NCALD: variants seen among roughly 807,000 people sequenced by gnomAD.
NCALD encodes neurocalcin-delta.
A neutral mutation model predicts 18.6 loss-of-function variants in NCALD; 10 were observed. That is an observed-to-expected ratio of 0.54 (90% CI 0.33 to 0.91). The LOEUF (loss-of-function observed/expected upper bound fraction) is 0.91. NCALD is among the 40% of genes least tolerant of loss of function. NCALD has a pLI of 0.03. For synonymous variants in NCALD, 88 were observed against 87.4 expected (o/e 1.01, Z -0.04); for missense variants, 184 against 247.6 (o/e 0.74, Z 1.72).
At chr8:102,013,999 C>A (rs1821993986) in intron 2 of NCALD, among the ~76,000 whole-genome samples, 1 of 152,168 alleles carries the variant, frequency 6.6e-6, no homozygotes, top group South Asian at 2.1e-4. Flanking sequence ...AGGAATGGGT[C>A]CTTGCTATGA....
rs57126471 is a variant in NCALD, at chr8:102,111,412, ATGTGTGTGTGTGTG to A, written c.-210+12811_-210+12824del. On this transcript the variant is annotated intron_variant, in intron 1 of 6. Coordinates refer to the NCALD transcript ENST00000311028. Reference sequence around the variant, plus strand: ...AAATTTAGATCATATGTCTAAAGAGATGTGTGTGTGTGTGTGTGTGTGTGTGTGTGGTGTGCACA... The same window carrying A: ...AAATTTAGATCATATGTCTAAAGAGATGTGTGTGTGTGTGTGGTGTGCACA... Among the ~76,000 whole-genome samples the A allele has an allele frequency of 2.0e-4, 29 of 147,740 alleles. No homozygotes were observed. The South Asian group carries it at 6.3e-3, about 32-fold the overall frequency.
Position 101,958,599 on chromosome 8 carries a change from T to C in NCALD, c.-156-42741A>G, listed in dbSNP as rs556848386. Among the ~76,000 whole-genome samples the C allele has an allele frequency of 2.0e-5, 3 of 152,264 alleles. No homozygotes were observed. The South Asian group carries it at 6.2e-4, about 32-fold the overall frequency. On this transcript the variant is annotated intron_variant, in intron 2 of 6. Coordinates refer to the NCALD transcript ENST00000311028. The stretch of plus-strand genomic sequence containing the variant: ...ATGCCAGAACCTGTTCTAGGGTCTT[T>C]GTGTGATTGTCTCACTAAAATCTCC...
At chr8:101,878,885 T>C (rs1816342807) in intron 4 of NCALD, among the ~76,000 whole-genome samples, 1 of 152,190 alleles carries the variant, frequency 6.6e-6, no homozygotes, top group Admixed American at 6.5e-5. Flanking sequence ...GTCAATGCCA[T>C]GTCCTATGAT....
intron 2 of NCALD, among the ~76,000 whole-genome samples, chr8:101,940,211 T>C (rs563091662): frequency 1.3e-5 from 2 of 152,264 alleles, no homozygotes; most frequent in African/African-American, 2.4e-5. Context: ...CTCAAATACT[T>C]TTAGAAAGGT....
At chr8:102,111,658 T>C (rs552573493) in intron 1 of NCALD, among the ~76,000 whole-genome samples, 1 of 152,254 alleles carries the variant, frequency 6.6e-6, no homozygotes, top group African/African-American at 2.4e-5. Flanking sequence ...CCTCTCAAAC[T>C]TGCCATATAA....
intron 1 of NCALD, among the ~76,000 whole-genome samples, chr8:102,119,145 C>T (rs1825874319): frequency 6.6e-6 from 1 of 152,114 alleles, no homozygotes; most frequent in Admixed American, 6.5e-5. Context: ...AGTGTTTTCA[C>T]AGTAGCCAAA....
intron 4 of NCALD, among the ~76,000 whole-genome samples, chr8:101,884,321 T>G (rs1413980095): frequency 1.3e-5 from 2 of 152,200 alleles, no homozygotes; most frequent in African/African-American, 4.8e-5. Flanking sequence ...TGTATTTGTG[T>G]GATTATTTGA....
chr8:102,027,051 G>A (rs1822483934), intron 1 of NCALD, among the ~76,000 whole-genome samples: 1 of 152,240 alleles, frequency 6.6e-6, no homozygotes, highest in South Asian at 2.1e-4. Flanking sequence ...GCACAGGGCA[G>A]GGAGGCCCTG....
chr8:102,062,877 T>C (rs1587002787), intron 1 of NCALD, among the ~76,000 whole-genome samples: 1 of 152,024 alleles, frequency 6.6e-6, no homozygotes, highest in Non-Finnish European at 1.5e-5. Context: ...CCAGCATGTG[T>C]CCCCTCCCAT....
intron 3 of NCALD, chr8:101,690,903 G>A: frequency 6.1e-6 from 6 of 985,432 alleles, no homozygotes; most frequent in Non-Finnish European, 7.2e-6. Flanking sequence ...CCAGCTGGAG[G>A]TAGCAGGGGC....
intron 1 of NCALD, among the ~76,000 whole-genome samples, chr8:102,053,023 G>A (rs1823506924): frequency 6.6e-6 from 1 of 152,190 alleles, no homozygotes; most frequent in Non-Finnish European, 1.5e-5. Context: ...TGCCCTAAAA[G>A]AAATCTCAAA....
chr8:102,115,018 G>A (rs1055039910), intron 1 of NCALD, among the ~76,000 whole-genome samples: 3 of 152,210 alleles, frequency 2.0e-5, no homozygotes, highest in African/African-American at 7.2e-5. Context: ...CCATCACACA[G>A]GCCCCATACT....
intron 2 of NCALD, among the ~76,000 whole-genome samples, chr8:101,970,739 A>T (rs932187373): frequency 6.6e-6 from 1 of 152,118 alleles, no homozygotes; most frequent in Non-Finnish European, 1.5e-5. Flanking sequence ...GTTTGCTACA[A>T]TGCTGTTCAA....
chr8:101,688,816 G>A lies in NCALD; in HGVS notation c.*493C>T, dbSNP rs1319119772. ...CCCCCATGGGGAAATGTCCCAGCTC[G>A]CTGGAATAGCCTCACCCCAGAGGGT... is the stretch of plus-strand genomic sequence containing the variant. On this transcript the variant is annotated 3_prime_UTR_variant, in exon 4 of 4. Transcript: ENST00000220931. The A allele has an allele frequency of 1.4e-5, 9 of 625,308 alleles. No homozygotes were observed. Among genetic ancestry groups the A allele is most frequent in the South Asian group, 4.7e-5 (3 of 63,736 alleles). The allele number at this position is 625,308 out of a possible 1,614,324, so 38.7% of individuals were successfully genotyped here. A position where few individuals can be genotyped will look rare whatever the true frequency, so the allele number is the denominator to read the frequency against.
chr8:101,756,748 A>T (rs1810898515), intron 1 of NCALD, among the ~76,000 whole-genome samples: 1 of 152,224 alleles, frequency 6.6e-6, no homozygotes, highest in Non-Finnish European at 1.5e-5. Context: ...TGACAAGAGA[A>T]TCTGACTGGA....
intron 2 of NCALD, among the ~76,000 whole-genome samples, chr8:101,932,482 T>G (rs1818613871): frequency 6.6e-6 from 1 of 152,188 alleles, no homozygotes; most frequent in Non-Finnish European, 1.5e-5. Context: ...CAGCAGCACT[T>G]CTGCTTCAGG....
chr8:101,966,227 C>G (rs1787144365), intron 2 of NCALD, among the ~76,000 whole-genome samples: 1 of 150,816 alleles, frequency 6.6e-6, no homozygotes, highest in South Asian at 2.1e-4. Flanking sequence ...TTTTACAAAT[C>G]AAGTTGGCAA....
At chr8:101,869,072 A>C (rs1167247779) in intron 4 of NCALD, among the ~76,000 whole-genome samples, 1 of 152,166 alleles carries the variant, frequency 6.6e-6, no homozygotes, top group Non-Finnish European at 1.5e-5. Flanking sequence ...ATGGTAAAGG[A>C]TGGAGCTGTA....
intron 3 of NCALD, among the ~76,000 whole-genome samples, chr8:101,889,691 A>G (rs1015929419): frequency 1.3e-5 from 2 of 152,186 alleles, no homozygotes; most frequent in East Asian, 1.9e-4. Context: ...CATTTTACCA[A>G]AATTTATTTC....
Sources: gnomAD v4.1 joint callset for allele counts (sites outside exome capture counted in the v4.1 genomes callset) on GRCh38, gnomAD v4.1.1 for gene constraint, MANE v1.5 for transcripts, NCBI Gene and HGNC (gene_info 2026-07-23, HGNC 2026-07-21) for gene names.